Variants in GNS observed in about 807,000 individuals in gnomAD.
GNS encodes the protein glucosamine (N-acetyl)-6-sulfatase, also known as N-acetylglucosamine-6-sulfatase.
GNS carries 40 observed loss-of-function variants against 69.7 expected under a neutral mutation model. That is an observed-to-expected ratio of 0.57 (90% CI 0.45 to 0.75). The LOEUF (loss-of-function observed/expected upper bound fraction) is 0.75, where lower values mean the gene tolerates loss of function less well. Ranked by LOEUF, GNS falls within the 30% of genes least tolerant of loss-of-function variation. GNS has a pLI of 0.00. For missense variants in GNS, 565 were observed against 685.5 expected (o/e 0.82, Z 1.96); for synonymous variants, 243 against 251.6 (o/e 0.97, Z 0.32).
rs141453545 is a variant in GNS, at chr12:64,745,204, C to CTTT, written c.526-300_526-298dup. On this transcript the variant is annotated intron_variant, in intron 4 of 13. Transcript: ENST00000258145. ...AAGGAGTGACTCACAAGTCAATAGA[C>CTTT]TTTTTTTTTTTTTTTTTTTTTTTTT... 2.6e-3 allele frequency among the ~76,000 whole-genome samples: 109 copies of CTTT among 42,354 alleles called. 1 individual carries two copies. Among genetic ancestry groups the CTTT allele is most frequent in the Non-Finnish European group, 4.1e-3 (100 of 24,686 alleles). The allele number at this position is 42,354 out of a possible 152,430, so 27.8% of individuals were successfully genotyped here.
chr12:64,734,821 G>T (rs1565883910), intron 9 of GNS, among the ~76,000 whole-genome samples: 1 of 152,220 alleles, frequency 6.6e-6, no homozygotes, highest in African/African-American at 2.4e-5. Flanking sequence ...CTGATCTTGT[G>T]ACCAGGCATG....
chr12:64,732,169 G>GTTTT (rs71093000), intron 9 of GNS, among the ~76,000 whole-genome samples: 2 of 96,338 alleles, frequency 2.1e-5, no homozygotes, highest in Non-Finnish European at 3.9e-5. Context: ...TTTTTTTGTT[G>GTTTT]TTTTTTTTTT....
chr12:64,752,947 A>G lies in GNS; in HGVS notation c.193-190T>C, dbSNP rs148691808. 7.0e-4 allele frequency: 415 copies of G among 595,496 alleles called. 1 individual carries two copies. The African/African-American group carries it at 7.1e-3, about 10-fold the overall frequency. 36.9% of individuals were successfully genotyped at this position (595,496 alleles called of 1,614,324 possible). ...TTCCGGCCAGCTCCATCCTGTATAA[A>G]AGTGCAGGAAGTCAAAATGCTTGCA... is the stretch of plus-strand genomic sequence containing the variant. On this transcript the variant is annotated intron_variant, in intron 1 of 13. Transcript: ENST00000258145.
At chr12:64,758,224 C>G (rs188705521) in intron 1 of GNS, among the ~76,000 whole-genome samples, 8 of 150,648 alleles carry the variant, frequency 5.3e-5, no homozygotes, top group Non-Finnish European at 1.0e-4. Flanking sequence ...TTCAATCACA[C>G]TAATTGAATT....
chr12:64,746,779 T>G (rs756641824), intron 3 of GNS, among the ~76,000 whole-genome samples: 18 of 152,186 alleles, frequency 1.2e-4, no homozygotes, highest in Non-Finnish European at 1.2e-4. Context: ...TTATGACCCA[T>G]AGCCCCAACC....
chr12:64,746,770 T>C (rs1869909828), intron 3 of GNS, among the ~76,000 whole-genome samples: 1 of 152,226 alleles, frequency 6.6e-6, no homozygotes, highest in Non-Finnish European at 1.5e-5. Flanking sequence ...AAGCTCTCTT[T>C]ATGACCCATA....
At chr12:64,757,919 T>C (rs1249075278) in intron 1 of GNS, among the ~76,000 whole-genome samples, 2 of 152,184 alleles carry the variant, frequency 1.3e-5, no homozygotes, top group Non-Finnish European at 2.9e-5. Context: ...AGCATTCAGC[T>C]GAAAGCAAAA....
intron 2 of GNS, among the ~76,000 whole-genome samples, chr12:64,750,195 C>T (rs914566874): frequency 1.3e-5 from 2 of 151,914 alleles, no homozygotes; most frequent in Non-Finnish European, 2.9e-5. Context: ...CATAGGCGCT[C>T]GCCACCACGC....
intron 1 of GNS, among the ~76,000 whole-genome samples, chr12:64,757,371 GAGA>G (rs1300003697): frequency 6.6e-6 from 1 of 152,214 alleles, no homozygotes; most frequent in South Asian, 2.1e-4. Context: ...GTCACTGCTA[GAGA>G]AGGCTTGCTT....
At chr12:64,727,905 T>C (rs1869259276) in intron 10 of GNS, among the ~76,000 whole-genome samples, 1 of 152,178 alleles carries the variant, frequency 6.6e-6, no homozygotes, top group African/African-American at 2.4e-5. Context: ...AACTATTGAA[T>C]TGGACACTTA....
At chr12:64,758,768 C>T (rs1870360347) in intron 1 of GNS, among the ~76,000 whole-genome samples, 1 of 152,156 alleles carries the variant, frequency 6.6e-6, no homozygotes, top group South Asian at 2.1e-4. Flanking sequence ...TGCTCTTAGA[C>T]AGCACCTGAT....
intron 8 of GNS, among the ~76,000 whole-genome samples, chr12:64,737,515 G>C (rs1485432426): frequency 6.6e-6 from 1 of 152,154 alleles, no homozygotes; most frequent in Non-Finnish European, 1.5e-5. Context: ...CCAAATAACT[G>C]ATAAGGGGAA....
In GNS at chr12:64,720,086, G is replaced by A. The variant is rs768332556; in HGVS notation, c.1516C>T (p.Arg506Trp). The change falls in exon 13 of 14, where the codon CGG becomes TGG. Residue 506 changes from arginine to tryptophan, a missense_variant. By Grantham distance (101) the Arg-to-Trp change is moderately radical. Transcript: ENST00000258145. The stretch of plus-strand genomic sequence containing the variant: ...GAACAGGACTGTAACATCATTAACC[G>A]ATAGTTCATCTTTCCTAAAAGCTCT... ...DPELLGKMNY[R>W]LMMLQSCSGP... The A allele has an allele frequency of 3.7e-6, 6 of 1,609,856 alleles. No homozygotes were observed. The highest frequency in any genetic ancestry group is 1.7e-5 in the Admixed American group (1 of 59,982).
At position 64,743,327 on chromosome 12, in the gene GNS, T is replaced by G; in HGVS notation, c.625-19A>C. 1 of 1,582,166 alleles carries G rather than the reference T, an allele frequency of 6.3e-7. No homozygotes were observed. On this transcript the variant is annotated intron_variant, in intron 5 of 13. Transcript: ENST00000258145. The stretch of plus-strand genomic sequence containing the variant: ...CATTAGCCTGACACATAAAAAGATT[T>G]GTCATCTCCTACCTTACCCAACAGA...
At chr12:64,739,534 G>A (rs779941869) in intron 7 of GNS, 35 bp from the exon 8 acceptor site, 9 of 958,268 alleles carry the variant, frequency 9.4e-6, no homozygotes, top group Admixed American at 6.8e-5. Context: ...TGGGACTTCA[G>A]GGGCAATGGC....
At chr12:64,743,541 C>T (rs1376276042) in intron 5 of GNS, among the ~76,000 whole-genome samples, 1 of 152,146 alleles carries the variant, frequency 6.6e-6, no homozygotes, top group Non-Finnish European at 1.5e-5. Flanking sequence ...CAATTAAGAT[C>T]TTGATGACTT....
chr12:64,731,467 G>T (rs969506223), intron 9 of GNS, among the ~76,000 whole-genome samples: 1 of 152,162 alleles, frequency 6.6e-6, no homozygotes, highest in African/African-American at 2.4e-5. Flanking sequence ...CACAAGTACC[G>T]TAAGCACAAG....
chr12:64,738,946 A>G (rs562987045), intron 8 of GNS, among the ~76,000 whole-genome samples: 1 of 152,276 alleles, frequency 6.6e-6, no homozygotes, highest in East Asian at 1.9e-4. Context: ...ATTTGCTTTT[A>G]ACAACAGAAG....
intron 5 of GNS, among the ~76,000 whole-genome samples, chr12:64,743,626 A>C (rs12311455): frequency 1.3e-5 from 2 of 152,172 alleles, no homozygotes; most frequent in African/African-American, 4.8e-5. Flanking sequence ...ACTTACACTA[A>C]TGGAGATTAT....
Sources: gnomAD v4.1 joint callset for allele counts (sites outside exome capture counted in the v4.1 genomes callset) on GRCh38, gnomAD v4.1.1 for gene constraint, MANE v1.5 for transcripts, NCBI Gene and HGNC (gene_info 2026-07-23, HGNC 2026-07-21) for gene names.